NDUFAF2: variants seen among roughly 807,000 people sequenced by gnomAD.
NDUFAF2 encodes NADH:ubiquinone oxidoreductase complex assembly factor 2.
NDUFAF2 carries 13 observed loss-of-function variants against 22.8 expected under a neutral mutation model. That is an observed-to-expected ratio of 0.57 (90% confidence interval 0.37 to 0.91). The LOEUF (loss-of-function observed/expected upper bound fraction) is 0.91. Among genes scored for constraint, NDUFAF2 ranks in the 40% least tolerant of loss-of-function variants. The probability of loss-of-function intolerance (pLI) is 0.01; values close to 1 mark genes in which losing one functional copy is unlikely to be tolerated. For synonymous variants in NDUFAF2, 53 were observed against 64.2 expected, an observed-to-expected ratio of 0.83 and a Z score of 0.84; for missense variants, 162 against 195.2, an observed-to-expected ratio of 0.83 and a Z score of 1.01.
At chr5:61,104,317 G>C (rs1299290622) in intron 3 of NDUFAF2, among the ~76,000 whole-genome samples, 2 of 151,948 alleles carry the variant, frequency 1.3e-5, no homozygotes, top group Non-Finnish European at 2.9e-5. Context: ...TAACACAATA[G>C]GAAAAGTGTA....
At chr5:61,071,972 A>G (rs1752304927) in intron 1 of NDUFAF2, among the ~76,000 whole-genome samples, 1 of 152,234 alleles carries the variant, frequency 6.6e-6, no homozygotes, top group Admixed American at 6.5e-5. Context: ...TAAAATATGC[A>G]CTAATCAACT....
chr5:60,963,084 C>G (rs1235384976), intron 1 of NDUFAF2, among the ~76,000 whole-genome samples: 1 of 151,770 alleles, frequency 6.6e-6, no homozygotes, highest in Non-Finnish European at 1.5e-5. Flanking sequence ...CAGGGTTTCA[C>G]CATGTTGGTG....
chr5:61,078,058 T>C (rs552557105), intron 2 of NDUFAF2, among the ~76,000 whole-genome samples: 4 of 152,172 alleles, frequency 2.6e-5, no homozygotes, highest in Admixed American at 6.5e-5. Context: ...CTTTGTAAGC[T>C]TTTTCTGACC....
intron 3 of NDUFAF2, among the ~76,000 whole-genome samples, chr5:61,139,823 A>G (rs2111824138): frequency 6.6e-6 from 1 of 152,314 alleles, no homozygotes; most frequent in African/African-American, 2.4e-5. Flanking sequence ...ATGCCTTTTA[A>G]CAATTGAATG....
intron 3 of NDUFAF2, among the ~76,000 whole-genome samples, chr5:61,111,011 T>G (rs1752833898): frequency 6.6e-6 from 1 of 152,164 alleles, no homozygotes. Context: ...TGGTATGTTG[T>G]GTTTCCATTT....
chr5:61,029,153 C>G (rs1295461085), intron 1 of NDUFAF2, among the ~76,000 whole-genome samples: 1 of 152,062 alleles, frequency 6.6e-6, no homozygotes, highest in Non-Finnish European at 1.5e-5. Flanking sequence ...GGTAAATACT[C>G]ACTTTCAAAA....
intron 2 of NDUFAF2, among the ~76,000 whole-genome samples, chr5:61,087,656 GT>G (rs1313909240): frequency 6.6e-6 from 1 of 152,128 alleles, no homozygotes; most frequent in Non-Finnish European, 1.5e-5. Flanking sequence ...TTATGGCTAA[GT>G]ATTCACCCAG....
At chr5:61,098,035 G>A (rs1433338548) in intron 2 of NDUFAF2, among the ~76,000 whole-genome samples, 1 of 152,086 alleles carries the variant, frequency 6.6e-6, no homozygotes, top group Non-Finnish European at 1.5e-5. Flanking sequence ...AGGCTAAGCA[G>A]ATATTATTGA....
chr5:60,974,709 A>G (rs1472648256), intron 1 of NDUFAF2, among the ~76,000 whole-genome samples: 1 of 152,030 alleles, frequency 6.6e-6, no homozygotes, highest in Non-Finnish European at 1.5e-5. Flanking sequence ...CTCTTCTGGG[A>G]ATTTTCTCAG....
chr5:61,019,439 C>G (rs1751550871), intron 1 of NDUFAF2, among the ~76,000 whole-genome samples: 1 of 151,962 alleles, frequency 6.6e-6, no homozygotes, highest in Non-Finnish European at 1.5e-5. Context: ...TTCCCCTTTC[C>G]TTGGAGGGTT....
intron 1 of NDUFAF2, among the ~76,000 whole-genome samples, chr5:60,990,985 A>G (rs1751150963): frequency 6.6e-6 from 1 of 152,152 alleles, no homozygotes; most frequent in South Asian, 2.1e-4. Context: ...TTCCTGGTAT[A>G]GTTGAACAAA....
chr5:61,041,416 G>A (rs988227056), intron 1 of NDUFAF2, among the ~76,000 whole-genome samples: 8 of 152,012 alleles, frequency 5.3e-5, no homozygotes, highest in South Asian at 2.1e-4. Context: ...TTTTTCACCC[G>A]TACCAGTTTT....
chr5:60,968,671 G>A (rs1317816749), intron 1 of NDUFAF2, among the ~76,000 whole-genome samples: 3 of 151,740 alleles, frequency 2.0e-5, no homozygotes, highest in Non-Finnish European at 4.4e-5. Context: ...CAAATCAGGG[G>A]TATTCATCAC....
At chr5:61,057,285 T>C (rs894424217) in intron 1 of NDUFAF2, among the ~76,000 whole-genome samples, 5 of 152,284 alleles carry the variant, frequency 3.3e-5, no homozygotes, top group Admixed American at 6.5e-5. Context: ...AAATCATAGA[T>C]TCACAGCTGA....
At position 61,023,782 on chromosome 5, in the gene NDUFAF2, T is replaced by C. The variant is rs139313589; in HGVS notation, c.128-49343T>C. Among the ~76,000 whole-genome samples, 831 of 152,302 alleles carry C rather than the reference T, an allele frequency of 5.5e-3. 7 individuals carry two copies. The highest frequency in any genetic ancestry group is 8.9e-3 in the Non-Finnish European group (605 of 68,022). On this transcript the variant is annotated intron_variant, in intron 1 of 3. Transcript: ENST00000296597. ...GAGTTCATGGGCCACGTTTTTCTAGTTAATTTTTCTTGAGTAGCACACCTC... is the reference window on the plus strand; with the variant it reads ...GAGTTCATGGGCCACGTTTTTCTAGCTAATTTTTCTTGAGTAGCACACCTC...
intron 1 of NDUFAF2, among the ~76,000 whole-genome samples, chr5:61,030,224 T>C (rs559177765): frequency 8.5e-5 from 13 of 152,252 alleles, no homozygotes; most frequent in Admixed American, 3.9e-4. Context: ...GGATGTGTCA[T>C]ACTGTTTTCA....
intron 1 of NDUFAF2, among the ~76,000 whole-genome samples, chr5:61,029,884 A>G (rs1751701271): frequency 1.3e-5 from 2 of 152,134 alleles, no homozygotes; most frequent in Admixed American, 6.6e-5. Flanking sequence ...CACCCGTTCC[A>G]GAGGTTATGT....
intron 3 of NDUFAF2, among the ~76,000 whole-genome samples, chr5:61,138,698 C>G (rs891147055): frequency 1.3e-5 from 2 of 152,146 alleles, no homozygotes; most frequent in Admixed American, 6.5e-5. Context: ...GGCAAACCTT[C>G]TAGGGGTCAG....
chr5:60,987,315 G>T (rs1318926811), intron 1 of NDUFAF2, among the ~76,000 whole-genome samples: 2 of 152,094 alleles, frequency 1.3e-5, no homozygotes, highest in Non-Finnish European at 2.9e-5. Flanking sequence ...AAAAGCCCAG[G>T]ATGAGAAAGA....
Sources: gnomAD v4.1 joint callset for allele counts (sites outside exome capture counted in the v4.1 genomes callset) on GRCh38, gnomAD v4.1.1 for gene constraint, MANE v1.5 for transcripts, NCBI Gene and HGNC (gene_info 2026-07-23, HGNC 2026-07-21) for gene names.